The following N4BP1 variants were observed in gnomAD, a reference collection of about 807,000 sequenced individuals.
N4BP1 encodes the protein NEDD4 binding protein 1.
Under a neutral mutation model 70.9 loss-of-function variants are expected in N4BP1, and 21 were observed. The ratio of observed to expected loss-of-function variants is 0.30; its 90% CI spans 0.21 to 0.43. The LOEUF (loss-of-function observed/expected upper bound fraction) is 0.43. Among genes scored for constraint, N4BP1 ranks in the 20% least tolerant of loss-of-function variants. The pLI is 1.00. For missense variants in N4BP1, 936 were observed against 1,069.4 expected (o/e 0.88, Z 1.74); for synonymous variants, 387 against 394.6 (o/e 0.98, Z 0.23).
intron 1 of N4BP1, among the ~76,000 whole-genome samples, chr16:48,584,078 A>C (rs1296261642): frequency 1.3e-5 from 2 of 152,230 alleles, no homozygotes; most frequent in African/African-American, 4.8e-5. Context: ...GATACAAATC[A>C]CTAGGCCAGT....
chr16:48,553,008 C>T (rs896954080), intron 3 of N4BP1, among the ~76,000 whole-genome samples: 1 of 152,110 alleles, frequency 6.6e-6, no homozygotes, highest in African/African-American at 2.4e-5. Context: ...GGCACAGCCC[C>T]TTCACCTATC....
chr16:48,550,929 A>G (rs567672327), intron 4 of N4BP1, among the ~76,000 whole-genome samples: 31 of 152,182 alleles, frequency 2.0e-4, no homozygotes, highest in Admixed American at 9.8e-4. Context: ...AAGAAAAAAA[A>G]AAAAGAAAGA....
chr16:48,540,126 A>G lies in N4BP1; in HGVS notation c.*2778T>C, dbSNP rs1280787696. 1 of 152,438 alleles carries G rather than the reference A, an allele frequency of 6.6e-6. No individual in the cohort carries two copies. Among genetic ancestry groups the G allele is most frequent in the Non-Finnish European group, 1.5e-5 (1 of 68,202 alleles). The allele number at this position is 152,438 out of a possible 1,614,324, so 9.4% of individuals were successfully genotyped here. The stretch of plus-strand genomic sequence containing the variant: ...GAACAGACGGAGGTGAGCCAGAGAC[A>G]CCTCCTGGGCAAGTCGGCCAGGAGG... On this transcript the variant is annotated 3_prime_UTR_variant, in exon 7 of 7. Transcript: ENST00000262384.
chr16:48,544,023 A>G lies in N4BP1; in HGVS notation c.2334-762T>C, dbSNP rs201059677. Among the ~76,000 whole-genome samples, 9 of 152,326 alleles carry G rather than the reference A, an allele frequency of 5.9e-5. No homozygotes were observed. The East Asian group carries it at 1.7e-3, about 29-fold the overall frequency. The stretch of plus-strand genomic sequence containing the variant: ...GCAAGCAGAGGACTCTCCTTCTGGT[A>G]ACTCTGACCCGCGGACCTGATTGAT... On this transcript the variant is annotated intron_variant, in intron 6 of 6. Coordinates refer to ENST00000262384, the MANE Select transcript of N4BP1 (RefSeq NM_153029.4).
chr16:48,577,115 G>T (rs970150651), intron 1 of N4BP1, among the ~76,000 whole-genome samples: 4 of 152,096 alleles, frequency 2.6e-5, no homozygotes, highest in African/African-American at 9.7e-5. Context: ...GCAATCCCTT[G>T]CCTTCCTCAT....
At position 48,542,728 on chromosome 16, in the gene N4BP1, A is replaced by C. The variant is rs1963521658; in HGVS notation, c.*176T>G. On this transcript the variant is annotated 3_prime_UTR_variant, in exon 7 of 7. Coordinates refer to ENST00000262384, the MANE Select transcript of N4BP1 (RefSeq NM_153029.4). ...TGTAATAGCAGCATAATTTATATATAGAAAAAAGCTGGTTTTGAAAACCCA... is the reference window on the plus strand; with the variant it reads ...TGTAATAGCAGCATAATTTATATATCGAAAAAAGCTGGTTTTGAAAACCCA... 2.0e-6 allele frequency: 1 copy of C among 501,898 alleles called. No homozygotes were observed. Among genetic ancestry groups the C allele is most frequent in the Non-Finnish European group, 3.4e-6 (1 of 289,984 alleles). The allele number at this position is 501,898 out of a possible 1,614,324, so 31.1% of individuals were successfully genotyped here.
At chr16:48,606,229 C>T (rs1278769275) in intron 1 of N4BP1, among the ~76,000 whole-genome samples, 1 of 152,044 alleles carries the variant, frequency 6.6e-6, no homozygotes, top group Non-Finnish European at 1.5e-5. Context: ...ACCCCTAAAT[C>T]CCTACATCCA....
rs756504966 is a variant in N4BP1, at chr16:48,561,767, T to C, written c.876A>G (p.Glu292=). The change falls in exon 2 of 7, where the codon GAA becomes GAG. Residue 292 remains glutamate, a synonymous_variant. Transcript: ENST00000262384. ...AAGAAAACTGCTTCTTCGTATGCCT[T>C]TCTTCAGAATCAGAAAATCTCCTTT... ...CQKRRFSDSE[E]RHTKKQFSLE... is the part of the protein sequence containing the mutation. The C allele has an allele frequency of 5.0e-6, 8 of 1,612,704 alleles. No homozygotes were observed. The highest frequency in any genetic ancestry group is 6.8e-6 in the Non-Finnish European group (8 of 1,179,874).
intron 2 of N4BP1, among the ~76,000 whole-genome samples, chr16:48,554,580 A>T (rs768391099): frequency 3.3e-5 from 5 of 152,258 alleles, no homozygotes; most frequent in Admixed American, 6.5e-5. Flanking sequence ...AGAAAAAAAG[A>T]CTAAAATCTC....
chr16:48,595,169 C>T (rs1473196334), intron 1 of N4BP1, among the ~76,000 whole-genome samples: 4 of 152,022 alleles, frequency 2.6e-5, no homozygotes, highest in African/African-American at 7.2e-5. Context: ...TGATCCTTTT[C>T]GTTTTTTCAA....
intron 1 of N4BP1, among the ~76,000 whole-genome samples, chr16:48,584,050 C>T (rs1964209499): frequency 6.6e-6 from 1 of 152,240 alleles, no homozygotes; most frequent in African/African-American, 2.4e-5. Context: ...CCTGTCCACA[C>T]TGGCCCAGAG....
At chr16:48,563,187 A>T (rs1963885802) in intron 1 of N4BP1, among the ~76,000 whole-genome samples, 1 of 151,786 alleles carries the variant, frequency 6.6e-6, no homozygotes. Flanking sequence ...ACATGGTGAA[A>T]CCCCATTTCT....
rs377563346 is a variant in N4BP1, at chr16:48,548,131, G to A, written c.2118-17C>T. The A allele has an allele frequency of 2.7e-6, 4 of 1,496,098 alleles. No individual in the cohort carries two copies. Among genetic ancestry groups the A allele is most frequent in the Non-Finnish European group, 3.7e-6 (4 of 1,077,354 alleles). The allele number at this position is 1,496,098 out of a possible 1,614,324, so 92.7% of individuals were successfully genotyped here. ...AGTAGAAACCTATGGTAATATAAGA[G>A]AGTTTAAAATCAGCAACAGGCATCC... is the stretch of plus-strand genomic sequence containing the variant. On this transcript the variant is annotated splice_polypyrimidine_tract_variant and intron_variant, in intron 4 of 6. Transcript: ENST00000262384.
At chr16:48,583,369 G>T (rs1964200709) in intron 1 of N4BP1, among the ~76,000 whole-genome samples, 1 of 152,234 alleles carries the variant, frequency 6.6e-6, no homozygotes, top group Non-Finnish European at 1.5e-5. Context: ...CAAACAGAGA[G>T]AAGAATGGTG....
At position 48,539,275 on chromosome 16, in the gene N4BP1, C is replaced by G. The variant is rs1171454589; in HGVS notation, c.*3629G>C. 1 of 152,538 alleles carries G rather than the reference C, an allele frequency of 6.6e-6. No homozygotes were observed. Among genetic ancestry groups the G allele is most frequent in the East Asian group, 1.9e-4 (1 of 5,186 alleles). The allele number at this position is 152,538 out of a possible 1,614,324, so 9.4% of individuals were successfully genotyped here. On this transcript the variant is annotated 3_prime_UTR_variant, in exon 7 of 7. Transcript: ENST00000262384. Reference sequence around the variant, plus strand: ...AGCATCTGGACGGCAGAGGGCAGCGCTGGGAGGGGCCAGCCAGTTAGGGCC... The same window carrying G: ...AGCATCTGGACGGCAGAGGGCAGCGGTGGGAGGGGCCAGCCAGTTAGGGCC...
At chr16:48,570,517 T>C (rs1964001723) in intron 1 of N4BP1, among the ~76,000 whole-genome samples, 1 of 152,100 alleles carries the variant, frequency 6.6e-6, no homozygotes, top group Non-Finnish European at 1.5e-5. Flanking sequence ...CAGCTAATGT[T>C]TTGTATTTTA....
chr16:48,602,488 A>T (rs889780770), intron 1 of N4BP1, among the ~76,000 whole-genome samples: 2 of 152,192 alleles, frequency 1.3e-5, no homozygotes, highest in African/African-American at 2.4e-5. Flanking sequence ...TTCTGACCCC[A>T]GCATAAGCAA....
At chr16:48,549,103 A>G (rs1477077785) in intron 4 of N4BP1, among the ~76,000 whole-genome samples, 1 of 152,170 alleles carries the variant, frequency 6.6e-6, no homozygotes. Flanking sequence ...CATTTGTCTA[A>G]GGCAATGTAG....
intron 1 of N4BP1, among the ~76,000 whole-genome samples, chr16:48,591,546 TA>T (rs1171508408): frequency 6.6e-6 from 1 of 151,008 alleles, no homozygotes; most frequent in African/African-American, 2.4e-5. Context: ...AAGAGATTTT[TA>T]AAAAAAAATT....
Sources: allele counts gnomAD v4.1 joint callset (sites outside exome capture counted in the v4.1 genomes callset), GRCh38; gene constraint gnomAD v4.1.1; transcripts MANE v1.5; gene names NCBI Gene and HGNC (gene_info 2026-07-23, HGNC 2026-07-21).